CALN1: variants seen among roughly 807,000 people sequenced by gnomAD.
CALN1 encodes calneuron 1.
In CALN1, 17 loss-of-function variants were observed where a neutral mutation model predicts 30.6. The ratio of observed to expected loss-of-function variants is 0.56; its 90% CI spans 0.38 to 0.83. The LOEUF (loss-of-function observed/expected upper bound fraction) is 0.83. CALN1 is among the 40% of genes least tolerant of loss of function. CALN1 has a pLI of 0.00. For missense variants in CALN1, 291 were observed against 354.9 expected, an observed-to-expected ratio of 0.82 and a Z score of 1.45; for synonymous variants, 156 against 131.4, an observed-to-expected ratio of 1.19 and a Z score of -1.28.
chr7:71,869,016 A>G (rs1791763847), intron 5 of CALN1, among the ~76,000 whole-genome samples: 1 of 152,076 alleles, frequency 6.6e-6, no homozygotes, highest in South Asian at 2.1e-4. Context: ...CTCCTTTTTA[A>G]GAACAAGTTG....
At chr7:72,262,510 CCT>C (rs938104482) in intron 3 of CALN1, among the ~76,000 whole-genome samples, 2 of 152,166 alleles carry the variant, frequency 1.3e-5, no homozygotes, top group African/African-American at 2.4e-5. Context: ...TTTCCTCTCT[CCT>C]CTGTTTTGAA....
intron 3 of CALN1, among the ~76,000 whole-genome samples, chr7:72,110,238 C>T (rs1226275068): frequency 6.6e-6 from 1 of 152,130 alleles, no homozygotes; most frequent in African/African-American, 2.4e-5. Context: ...CCCAGCGGGC[C>T]CTAGCTGGGG....
chr7:71,850,361 G>A (rs559003309), intron 5 of CALN1, among the ~76,000 whole-genome samples: 5 of 151,446 alleles, frequency 3.3e-5, no homozygotes, highest in African/African-American at 7.2e-5. Flanking sequence ...GATTACAGGC[G>A]CATACCACCA....
Position 71,812,932 on chromosome 7 carries a change from T to C in CALN1, c.502-2440A>G, listed in dbSNP as rs62459043. Among the ~76,000 whole-genome samples the C allele has an allele frequency of 7.5e-3, 210 of 27,950 alleles. 1 individual carries two copies. Among genetic ancestry groups the C allele is most frequent in the Non-Finnish European group, 0.016 (92 of 5,922 alleles). 18.3% of individuals were successfully genotyped at this position (27,950 alleles called of 152,430 possible). A position where few individuals can be genotyped will look rare whatever the true frequency, so the allele number is the denominator to read the frequency against. ...CTATTTTATTTATCATCATCATCAT[T>C]ATTATTATTATTATTATTATTATTA... On this transcript the variant is annotated intron_variant, in intron 5 of 6. Transcript: ENST00000395275.
intron 5 of CALN1, among the ~76,000 whole-genome samples, chr7:72,007,971 A>T (rs1307498498): frequency 6.6e-6 from 1 of 152,224 alleles, no homozygotes; most frequent in Non-Finnish European, 1.5e-5. Flanking sequence ...AAAGTGTCAG[A>T]AACAGAATTG....
intron 5 of CALN1, among the ~76,000 whole-genome samples, chr7:71,922,610 C>T (rs961228666): frequency 1.7e-4 from 22 of 132,200 alleles, no homozygotes; most frequent in African/African-American, 6.0e-4. Context: ...ATATATAACA[C>T]ACAGAATATA....
At chr7:71,951,568 GCAACAGAGCAGTACTC>G (rs1796693427) in intron 5 of CALN1, among the ~76,000 whole-genome samples, 1 of 152,176 alleles carries the variant, frequency 6.6e-6, no homozygotes, top group Admixed American at 6.5e-5. Context: ...TCCAGCCTGG[GCAACAGAGCAGTACTC>G]CATCTCAATA....
intron 1 of CALN1, among the ~76,000 whole-genome samples, chr7:72,420,939 CA>C (rs1476341653): frequency 6.6e-6 from 1 of 151,962 alleles, no homozygotes; most frequent in Non-Finnish European, 1.5e-5. Flanking sequence ...CATGCATCTG[CA>C]AGGGCCTTTT....
the CALN1 span, among the ~76,000 whole-genome samples, chr7:72,501,174 T>C: frequency 6.7e-6 from 1 of 148,516 alleles, no homozygotes; most frequent in Non-Finnish European, 1.5e-5. Flanking sequence ...CAGAAATAAG[T>C]TGGGGTAACA....
chr7:71,989,205 A>T (rs1274348511), intron 5 of CALN1, among the ~76,000 whole-genome samples: 2 of 152,208 alleles, frequency 1.3e-5, no homozygotes, highest in African/African-American at 4.8e-5. Context: ...TGGGAGGCTG[A>T]GGTGGGTGGA....
intron 4 of CALN1, among the ~76,000 whole-genome samples, chr7:72,038,536 A>AC (rs1412133136): frequency 6.6e-6 from 1 of 151,662 alleles, no homozygotes; most frequent in African/African-American, 2.4e-5. Flanking sequence ...AACCAGAGCA[A>AC]CTCCATCTTG....
chr7:72,038,012 T>C (rs1801905210), intron 4 of CALN1, among the ~76,000 whole-genome samples: 1 of 152,190 alleles, frequency 6.6e-6, no homozygotes, highest in South Asian at 2.1e-4. Context: ...TGAAAGCAAC[T>C]TCAACCAGAG....
chr7:72,087,493 A>G (rs1805556207), intron 4 of CALN1, among the ~76,000 whole-genome samples: 1 of 152,178 alleles, frequency 6.6e-6, no homozygotes, highest in Non-Finnish European at 1.5e-5. Context: ...AAACAGATCC[A>G]CCAAAGAGTG....
chr7:71,984,514 C>T (rs1192744420), intron 5 of CALN1, among the ~76,000 whole-genome samples: 1 of 152,204 alleles, frequency 6.6e-6, no homozygotes, highest in Non-Finnish European at 1.5e-5. Flanking sequence ...TGCCCCCACG[C>T]ACTGGAGAGA....
intron 5 of CALN1, among the ~76,000 whole-genome samples, chr7:71,964,530 T>C (rs909624810): frequency 2.6e-5 from 4 of 152,128 alleles, no homozygotes; most frequent in African/African-American, 9.7e-5. Context: ...TAAGGTTTTA[T>C]TGAGTGGTGG....
chr7:72,304,598 T>G (rs531508051), intron 2 of CALN1, among the ~76,000 whole-genome samples: 55 of 151,880 alleles, frequency 3.6e-4, no homozygotes, highest in Admixed American at 1.4e-3. Context: ...ATGGGGGGGG[T>G]ATAGCTGCCA....
chr7:71,952,346 C>A (rs1323496171), intron 5 of CALN1, among the ~76,000 whole-genome samples: 2 of 152,136 alleles, frequency 1.3e-5, no homozygotes, highest in Non-Finnish European at 2.9e-5. Context: ...GTGCACCCCC[C>A]TCACCTCCTT....
chr7:71,935,479 T>G (rs1461934789), intron 5 of CALN1, among the ~76,000 whole-genome samples: 2 of 152,122 alleles, frequency 1.3e-5, no homozygotes, highest in African/African-American at 4.8e-5. Context: ...TCCCAGCAGT[T>G]TGGGAGGCCG....
At chr7:72,370,381 A>T (rs10277606) in intron 2 of CALN1, among the ~76,000 whole-genome samples, 1 of 152,236 alleles carries the variant, frequency 6.6e-6, no homozygotes, top group East Asian at 1.9e-4. Flanking sequence ...TGCTTTAGAT[A>T]TAAGTCCTTT....
Sources: allele counts gnomAD v4.1 joint callset (sites outside exome capture counted in the v4.1 genomes callset), GRCh38; gene constraint gnomAD v4.1.1; transcripts MANE v1.5; gene names NCBI Gene and HGNC (gene_info 2026-07-23, HGNC 2026-07-21).